The following PRUNE2 variants were observed in gnomAD, a reference collection of about 807,000 sequenced individuals.
PRUNE2 encodes the protein prune homolog 2 with BCH domain.
A neutral mutation model predicts 252.0 loss-of-function variants in PRUNE2; 164 were observed. The observed-to-expected ratio is 0.65, with a 90% CI of 0.57 to 0.74. The LOEUF is 0.74. PRUNE2 is among the 30% of genes least tolerant of loss of function. The probability of loss-of-function intolerance (pLI) is 0.00; values close to 1 mark genes in which losing one functional copy is unlikely to be tolerated. For synonymous variants in PRUNE2, 1,292 were observed against 1,350.2 expected (o/e 0.96, Z 0.94); for missense variants, 3,495 against 3,711.0 (o/e 0.94, Z 1.51).
Position 76,708,229 on chromosome 9 carries a change from C to CA in PRUNE2, c.4044dup (p.Val1349CysfsTer9). 1 of 1,613,954 alleles carries CA rather than the reference C, an allele frequency of 6.2e-7. No individual in the cohort carries two copies. Reference sequence around the variant, plus strand: ...TCAGAAATCCCTGAGGCATTCTCCACACCAGAGGCGATCACCTCCTCTTCA... The same window carrying CA: ...TCAGAAATCCCTGAGGCATTCTCCACAACCAGAGGCGATCACCTCCTCTTCA... On this transcript the variant is annotated frameshift_variant, in exon 8 of 19. Transcript: ENST00000376718. LOFTEE classifies it high-confidence loss of function.
chr9:76,663,127 G>A (rs112165652), intron 9 of PRUNE2, among the ~76,000 whole-genome samples: 1 of 152,316 alleles, frequency 6.6e-6, no homozygotes, highest in Non-Finnish European at 1.5e-5. Context: ...AGTAGGAGGT[G>A]AGACTGAAGC....
intron 6 of PRUNE2, among the ~76,000 whole-genome samples, chr9:76,770,826 A>G (rs545033846): frequency 3.9e-5 from 6 of 152,354 alleles, no homozygotes; most frequent in Non-Finnish European, 5.9e-5. Flanking sequence ...ATGACTGCTC[A>G]TAATGGTCAG....
chr9:76,650,729 C>A (rs1056100883), intron 11 of PRUNE2, among the ~76,000 whole-genome samples: 10 of 152,182 alleles, frequency 6.6e-5, no homozygotes, highest in African/African-American at 2.4e-4. Flanking sequence ...TAAACTGGTT[C>A]TTTCAACACA....
intron 4 of PRUNE2, among the ~76,000 whole-genome samples, chr9:76,835,737 CAA>C (rs1491587112): frequency 3.3e-5 from 5 of 151,914 alleles, no homozygotes; most frequent in Non-Finnish European, 7.4e-5. Context: ...ACTCTTTGGG[CAA>C]GAGAGAGAGA....
intron 6 of PRUNE2, among the ~76,000 whole-genome samples, chr9:76,728,495 T>C (rs759743855): frequency 4.6e-5 from 7 of 152,226 alleles, no homozygotes; most frequent in East Asian, 1.9e-4. Flanking sequence ...GGAGTCTGTA[T>C]TGACATAAAG....
chr9:76,823,780 T>C (rs1257447179), intron 5 of PRUNE2, 54 bp from the exon 6 acceptor site: 2 of 1,066,150 alleles, frequency 1.9e-6, no homozygotes, highest in Non-Finnish European at 2.8e-6. Context: ...ATTTTTTTTT[T>C]GTAATATCAA....
Position 76,711,160 on chromosome 9 carries a change from C to A in PRUNE2, c.1114G>T (p.Val372Leu). Residue 372 changes from valine (V) to leucine (L), a missense_variant, in exon 8 of 19, where the codon GTG becomes TTG. Transcript: ENST00000376718. ...TGGGAGAGGGGGGCACTGCCTGCCA[C>A]GGCTTCTGTTGAGGATGTCCGGCTA... The part of the protein sequence containing the change: ...SNSRTSSTEA[V>L]AGSAPLSQGS... 6.2e-7 allele frequency: 1 copy of A among 1,613,950 alleles called. No individual in the cohort carries two copies. The highest frequency in any genetic ancestry group is 8.5e-7 in the Non-Finnish European group (1 of 1,179,864).
intron 4 of PRUNE2, among the ~76,000 whole-genome samples, chr9:76,845,757 T>C (rs1291096606): frequency 1.3e-5 from 2 of 152,216 alleles, no homozygotes; most frequent in Non-Finnish European, 2.9e-5. Context: ...CTGTCTACCG[T>C]GTTCAAAATG....
intron 11 of PRUNE2, among the ~76,000 whole-genome samples, chr9:76,649,612 T>TGATACATA (rs1846448718): frequency 6.7e-6 from 1 of 149,868 alleles, no homozygotes; most frequent in Non-Finnish European, 1.5e-5. Flanking sequence ...GATAGATAGA[T>TGATACATA]GATAGATAGA....
chr9:76,827,507 GA>G (rs1196583582), intron 4 of PRUNE2, among the ~76,000 whole-genome samples: 1 of 152,182 alleles, frequency 6.6e-6, no homozygotes, highest in Non-Finnish European at 1.5e-5. Flanking sequence ...CACCATGGGA[GA>G]GAGAAGTTTC....
intron 1 of PRUNE2, among the ~76,000 whole-genome samples, chr9:76,899,204 C>T (rs998306566): frequency 6.6e-6 from 1 of 152,138 alleles, no homozygotes; most frequent in African/African-American, 2.4e-5. Flanking sequence ...CCTACGGTTC[C>T]AATGGTTCCA....
intron 6 of PRUNE2, chr9:76,819,241 C>CTGAGCATCTT: frequency 6.6e-6 from 1 of 151,884 alleles, no homozygotes; most frequent in East Asian, 1.9e-4. Context: ...CAGGGCAAGA[C>CTGAGCATCTT]GCTGTCTCAA....
chr9:76,822,785 T>C (rs922277204), intron 6 of PRUNE2, among the ~76,000 whole-genome samples: 3 of 151,276 alleles, frequency 2.0e-5, no homozygotes, highest in Non-Finnish European at 4.4e-5. Flanking sequence ...CCAGCCTGGG[T>C]GACAGAGCAA....
At chr9:76,847,102 G>A (rs995147574) in intron 3 of PRUNE2, among the ~76,000 whole-genome samples, 3 of 152,106 alleles carry the variant, frequency 2.0e-5, no homozygotes, top group Non-Finnish European at 4.4e-5. Flanking sequence ...CGAAGCAGGC[G>A]AATCATGAGG....
At chr9:76,734,848 T>C (rs990270855) in intron 6 of PRUNE2, among the ~76,000 whole-genome samples, 4 of 152,190 alleles carry the variant, frequency 2.6e-5, no homozygotes, top group South Asian at 2.1e-4. Context: ...AAAGACTCCA[T>C]AGGGGTTTTT....
At chr9:76,849,174 A>T (rs1424680475) in intron 3 of PRUNE2, among the ~76,000 whole-genome samples, 1 of 152,092 alleles carries the variant, frequency 6.6e-6, no homozygotes, top group Non-Finnish European at 1.5e-5. Context: ...GCCTCCCAAA[A>T]TGCTGGAATT....
intron 9 of PRUNE2, among the ~76,000 whole-genome samples, chr9:76,694,520 T>C (rs1206500651): frequency 6.6e-6 from 1 of 152,168 alleles, no homozygotes; most frequent in Non-Finnish European, 1.5e-5. Flanking sequence ...TTTTGGAACT[T>C]AGCAGTTGGC....
In PRUNE2 at chr9:76,707,816, G is replaced by C. The variant is rs747747470; in HGVS notation, c.4458C>G (p.Pro1486=). The C allele has an allele frequency of 3.7e-6, 6 of 1,613,380 alleles. No homozygotes were observed. In the East Asian group the frequency reaches 1.3e-4, roughly 36 times the overall value. The change falls in exon 8 of 19, where the codon CCC becomes CCG. Residue 1486 remains proline, a synonymous_variant. Coordinates refer to ENST00000376718, the MANE Select transcript of PRUNE2 (RefSeq NM_015225.3). Reference sequence around the variant, plus strand: ...GGACGTCCCCAAAATCAAGACTTCGGGGAACTCTGTGAGGTGGCCCTCCAC... The same window carrying C: ...GGACGTCCCCAAAATCAAGACTTCGCGGAACTCTGTGAGGTGGCCCTCCAC... ...NVGGGPPHRV[P]RSLDFGDVPI...
chr9:76,791,144 G>C (rs1307023011), intron 6 of PRUNE2, among the ~76,000 whole-genome samples: 1 of 152,210 alleles, frequency 6.6e-6, no homozygotes, highest in Non-Finnish European at 1.5e-5. Flanking sequence ...AGTAAGTTCT[G>C]TGGACCTAAT....
Sources: gnomAD v4.1 joint callset for allele counts (sites outside exome capture counted in the v4.1 genomes callset) on GRCh38, gnomAD v4.1.1 for gene constraint, MANE v1.5 for transcripts, NCBI Gene and HGNC (gene_info 2026-07-23, HGNC 2026-07-21) for gene names.